The following SIK3 variants were observed in gnomAD, a reference collection of about 807,000 sequenced individuals.
SIK3 encodes the protein serine/threonine-protein kinase SIK3.
A neutral mutation model predicts 144.2 loss-of-function variants in SIK3; 28 were observed. The observed-to-expected ratio is 0.19, with a 90% CI of 0.14 to 0.27. The LOEUF (loss-of-function observed/expected upper bound fraction) is 0.27. SIK3 is among the 10% of genes least tolerant of loss of function. The pLI, the probability that SIK3 is intolerant of heterozygous loss-of-function variation, is 1.00. For synonymous variants in SIK3, 686 were observed against 676.3 expected (o/e 1.01, Z -0.22); for missense variants, 1,319 against 1,776.0 (o/e 0.74, Z 4.62).
At chr11:116,950,520 C>T (rs964023087) in intron 3 of SIK3, among the ~76,000 whole-genome samples, 2 of 152,166 alleles carry the variant, frequency 1.3e-5, no homozygotes, top group Non-Finnish European at 2.9e-5. Flanking sequence ...GATGAAGTTC[C>T]CTCTGCTTTA....
rs371319307 is a variant in SIK3, at chr11:117,020,248, C to CATACAT, written c.274-63185_274-63184insATGTAT. On this transcript the variant is annotated intron_variant, in intron 1 of 24. Transcript: ENST00000445177. ...ATGTGTATATGTGCATATATATATA[C>CATACAT]ACATACATATATCTCCATGGTTCCT... 4.6e-4 allele frequency among the ~76,000 whole-genome samples: 46 copies of CATACAT among 100,736 alleles called. No individual in the cohort carries two copies. In the South Asian group the frequency reaches 5.2e-3, roughly 11 times the overall value. The allele number at this position is 100,736 out of a possible 152,430, so 66.1% of individuals were successfully genotyped here. A position where few individuals can be genotyped will look rare whatever the true frequency, so the allele number is the denominator to read the frequency against.
intron 1 of SIK3, among the ~76,000 whole-genome samples, chr11:117,047,735 G>C (rs537408953): frequency 6.6e-6 from 1 of 152,162 alleles, no homozygotes; most frequent in African/African-American, 2.4e-5. Flanking sequence ...TTGAGCCCAG[G>C]AGTTTGAGAC....
At chr11:117,017,266 A>G (rs1212743016) in intron 1 of SIK3, among the ~76,000 whole-genome samples, 1 of 152,212 alleles carries the variant, frequency 6.6e-6, no homozygotes, top group African/African-American at 2.4e-5. Flanking sequence ...AAAAATAATA[A>G]TAAATAAGAA....
chr11:116,947,561 ATGTATGTAT>A (rs1340237587), intron 3 of SIK3, among the ~76,000 whole-genome samples: 326 of 65,438 alleles, frequency 5.0e-3, no homozygotes, highest in African/African-American at 0.012. Context: ...GTATGTATGT[ATGTATGTAT>A]TTTTTTTTTT....
chr11:117,031,492 C>T (rs73594171), intron 1 of SIK3, among the ~76,000 whole-genome samples: 2,129 of 95,392 alleles, frequency 0.022, 62 homozygotes, highest in African/African-American at 0.078. Flanking sequence ...CCAATGAATA[C>T]AGCATTTTAT....
chr11:116,894,400 A>C (rs1945286810), intron 6 of SIK3, among the ~76,000 whole-genome samples: 1 of 152,168 alleles, frequency 6.6e-6, no homozygotes, highest in Non-Finnish European at 1.5e-5. Context: ...CTGATGTCTA[A>C]TGTGCACCTC....
chr11:116,869,291 G>C (rs891515210), intron 14 of SIK3: 7 of 152,194 alleles, frequency 4.6e-5, no homozygotes, highest in African/African-American at 1.7e-4. Context: ...CATAGGACCA[G>C]CTGCTTTCTG....
chr11:117,022,708 C>T (rs993809815), intron 1 of SIK3, among the ~76,000 whole-genome samples: 12 of 151,972 alleles, frequency 7.9e-5, no homozygotes, highest in South Asian at 6.2e-4. Flanking sequence ...TCCTCTGAGA[C>T]GGGTTAAGAG....
intron 1 of SIK3, among the ~76,000 whole-genome samples, chr11:117,071,117 C>T (rs1954258638): frequency 6.6e-6 from 1 of 151,858 alleles, no homozygotes; most frequent in Admixed American, 6.6e-5. Context: ...ACTTCTAAGT[C>T]CCAAGAGCTA....
At chr11:116,886,329 A>T (rs1944817542) in intron 6 of SIK3, among the ~76,000 whole-genome samples, 2 of 152,176 alleles carry the variant, frequency 1.3e-5, no homozygotes, top group East Asian at 3.8e-4. Flanking sequence ...GTATATGGAG[A>T]CTTGGTGGGT....
intron 1 of SIK3, among the ~76,000 whole-genome samples, chr11:117,058,519 C>CAA (rs61453348): frequency 0.2 from 23,407 of 116,456 alleles, 2,521 homozygotes; most frequent in African/African-American, 0.31. Context: ...GACTCCATCT[C>CAA]AAAAAAAAAA....
At chr11:116,997,042 T>G (rs1950694273) in intron 1 of SIK3, among the ~76,000 whole-genome samples, 1 of 152,068 alleles carries the variant, frequency 6.6e-6, no homozygotes, top group South Asian at 2.1e-4. Flanking sequence ...AAAAAAGAAT[T>G]CCCAAATCCA....
chr11:117,058,339 G>A (rs1026795219), intron 1 of SIK3, among the ~76,000 whole-genome samples: 25 of 152,040 alleles, frequency 1.6e-4, no homozygotes, highest in African/African-American at 6.0e-4. Context: ...GACCAACATG[G>A]TGAAACCCCA....
intron 1 of SIK3, among the ~76,000 whole-genome samples, chr11:116,998,777 A>C (rs1365757513): frequency 1.3e-5 from 2 of 152,238 alleles, no homozygotes; most frequent in Non-Finnish European, 2.9e-5. Flanking sequence ...CTCTAAGAGC[A>C]CTGAAATTTT....
At chr11:116,987,782 G>A (rs1389391319) in intron 1 of SIK3, among the ~76,000 whole-genome samples, 2 of 152,154 alleles carry the variant, frequency 1.3e-5, no homozygotes, top group African/African-American at 4.8e-5. Flanking sequence ...ACTTTTGACT[G>A]TATTTTTAAA....
chr11:116,939,101 T>C (rs562068411), intron 3 of SIK3, among the ~76,000 whole-genome samples: 24 of 152,202 alleles, frequency 1.6e-4, no homozygotes, highest in Non-Finnish European at 3.1e-4. Flanking sequence ...CTCATAAATG[T>C]TGAATGAATG....
intron 1 of SIK3, among the ~76,000 whole-genome samples, chr11:117,092,429 G>A (rs966493645): frequency 3.3e-5 from 5 of 152,058 alleles, no homozygotes; most frequent in African/African-American, 1.2e-4. Context: ...GGAAAGAAAG[G>A]TCTTCCCTGA....
At chr11:116,857,563 A>T (rs188870859) in intron 21 of SIK3, 1 of 549,978 alleles carries the variant, frequency 1.8e-6, no homozygotes, top group African/African-American at 1.9e-5. Flanking sequence ...TGTGGTATGA[A>T]TAAGGGAAAT....
At chr11:117,016,920 C>T (rs575792744) in intron 1 of SIK3, among the ~76,000 whole-genome samples, 51 of 152,192 alleles carry the variant, frequency 3.4e-4, no homozygotes, top group African/African-American at 1.2e-3. Context: ...CAGTGGAATA[C>T]TATACAGCAA....
Sources: gnomAD v4.1 joint callset for allele counts (sites outside exome capture counted in the v4.1 genomes callset) on GRCh38, gnomAD v4.1.1 for gene constraint, MANE v1.5 for transcripts, NCBI Gene and HGNC (gene_info 2026-07-23, HGNC 2026-07-21) for gene names.